Variants in FGF14 observed in about 807,000 individuals in gnomAD.
The protein encoded by FGF14 is fibroblast growth factor homologous factor 4.
Under a neutral mutation model 25.5 loss-of-function variants are expected in FGF14, and 5 were observed. The ratio of observed to expected loss-of-function variants is 0.20; its 90% confidence interval spans 0.10 to 0.41. The LOEUF is 0.41. Ranked by LOEUF, FGF14 falls within the 10% of genes least tolerant of loss-of-function variation. FGF14 has a pLI of 1.00. For missense variants in FGF14, 222 were observed against 320.1 expected, an observed-to-expected ratio of 0.69 and a Z score of 2.34; for synonymous variants, 138 against 118.3, an observed-to-expected ratio of 1.17 and a Z score of -1.08.
chr13:102,043,865 C>T (rs770002093), intron 1 of FGF14, among the ~76,000 whole-genome samples: 8 of 152,172 alleles, frequency 5.3e-5, no homozygotes, highest in Non-Finnish European at 1.0e-4. Flanking sequence ...ACTATCAGTG[C>T]GGCTACCACA....
chr13:101,775,586 G>T (rs2039057248), intron 3 of FGF14, among the ~76,000 whole-genome samples: 1 of 152,068 alleles, frequency 6.6e-6, no homozygotes, highest in Non-Finnish European at 1.5e-5. Flanking sequence ...ACATATCTTA[G>T]GAAAGAAAAG....
chr13:102,024,680 T>C (rs1227943187), intron 1 of FGF14, among the ~76,000 whole-genome samples: 1 of 151,320 alleles, frequency 6.6e-6, no homozygotes, highest in Non-Finnish European at 1.5e-5. Flanking sequence ...TAAGAAAACT[T>C]TGCCTAATTT....
intron 1 of FGF14, among the ~76,000 whole-genome samples, chr13:102,045,208 G>A (rs370895172): frequency 6.6e-6 from 1 of 151,938 alleles, no homozygotes; most frequent in Non-Finnish European, 1.5e-5. Context: ...GGTAGACTAA[G>A]TATGTCACAT....
intron 1 of FGF14, among the ~76,000 whole-genome samples, chr13:102,046,969 G>C (rs1010169809): frequency 2.3e-4 from 35 of 152,192 alleles, no homozygotes; most frequent in African/African-American, 7.9e-4. Context: ...CTATTGGGGA[G>C]GTGTCAGGTT....
intron 1 of FGF14, among the ~76,000 whole-genome samples, chr13:102,248,273 T>G (rs1035815513): frequency 3.4e-4 from 51 of 152,152 alleles, no homozygotes; most frequent in African/African-American, 1.2e-3. Flanking sequence ...TATACTTTGC[T>G]TGTAAGGCAT....
intron 1 of FGF14, among the ~76,000 whole-genome samples, chr13:102,013,649 T>G (rs2040194134): frequency 6.6e-6 from 1 of 152,236 alleles, no homozygotes; most frequent in Non-Finnish European, 1.5e-5. Context: ...CAATGAGTGA[T>G]TTCCTAGGCT....
At chr13:102,002,144 A>G (rs1204525926) in intron 1 of FGF14, 1 of 152,190 alleles carries the variant, frequency 6.6e-6, no homozygotes, top group African/African-American at 2.4e-5. Flanking sequence ...TCCCACTGCC[A>G]ATGGAGAATG....
chr13:102,045,178 A>C (rs2041926722), intron 1 of FGF14, among the ~76,000 whole-genome samples: 1 of 152,198 alleles, frequency 6.6e-6, no homozygotes, highest in African/African-American at 2.4e-5. Context: ...CTTCCCATCA[A>C]GCATCTATGT....
At chr13:102,274,283 C>A (rs1463344244) in intron 1 of FGF14, among the ~76,000 whole-genome samples, 1 of 152,166 alleles carries the variant, frequency 6.6e-6, no homozygotes, top group Non-Finnish European at 1.5e-5. Context: ...ACAGTGAATC[C>A]CACCTTGGGG....
At chr13:102,091,672 C>T (rs1158789369) in intron 1 of FGF14, among the ~76,000 whole-genome samples, 9 of 152,122 alleles carry the variant, frequency 5.9e-5, no homozygotes, top group Admixed American at 5.9e-4. Context: ...GCTTACAGGT[C>T]TGAGTTTGAG....
intron 1 of FGF14, among the ~76,000 whole-genome samples, chr13:101,936,289 A>G (rs1566462067): frequency 6.6e-6 from 1 of 152,186 alleles, no homozygotes; most frequent in Non-Finnish European, 1.5e-5. Flanking sequence ...AGAATTTCAC[A>G]GTTGATTTAT....
chr13:102,395,655 C>G (rs965979255), intron 1 of FGF14: 17 of 152,196 alleles, frequency 1.1e-4, no homozygotes, highest in African/African-American at 4.1e-4. Flanking sequence ...AGTTCACTAT[C>G]CTAGAGATAC....
chr13:102,289,237 G>A (rs2054259676), intron 1 of FGF14, among the ~76,000 whole-genome samples: 1 of 152,104 alleles, frequency 6.6e-6, no homozygotes, highest in Non-Finnish European at 1.5e-5. Flanking sequence ...GGGTCTGCTT[G>A]CCATCACTAT....
At chr13:102,264,604 A>G (rs1264261670) in intron 1 of FGF14, among the ~76,000 whole-genome samples, 1 of 151,180 alleles carries the variant, frequency 6.6e-6, no homozygotes, top group Non-Finnish European at 1.5e-5. Context: ...TTTATAAAGG[A>G]ATTATTTACG....
At chr13:101,956,281 G>C (rs1029028799) in intron 1 of FGF14, among the ~76,000 whole-genome samples, 17 of 152,144 alleles carry the variant, frequency 1.1e-4, no homozygotes, top group African/African-American at 4.1e-4. Context: ...GATACAGATA[G>C]ACGGATAACA....
intron 1 of FGF14, among the ~76,000 whole-genome samples, chr13:102,041,115 T>G (rs1044636057): frequency 6.6e-6 from 1 of 152,080 alleles, no homozygotes; most frequent in Non-Finnish European, 1.5e-5. Flanking sequence ...ATATTGTATG[T>G]TGTACCTATT....
intron 3 of FGF14, among the ~76,000 whole-genome samples, chr13:101,849,421 G>A (rs996077939): frequency 1.3e-5 from 2 of 151,982 alleles, no homozygotes; most frequent in Admixed American, 6.6e-5. Context: ...TCATAAACAT[G>A]GGCAGCCGCT....
chr13:101,937,042 C>G (rs969112879), intron 1 of FGF14, among the ~76,000 whole-genome samples: 1 of 152,106 alleles, frequency 6.6e-6, no homozygotes, highest in African/African-American at 2.4e-5. Flanking sequence ...ATGCAAACTC[C>G]CCTTGCTAAA....
intron 1 of FGF14, among the ~76,000 whole-genome samples, chr13:102,103,344 GA>G (rs11292989): frequency 0.9 from 136,503 of 152,070 alleles, 61,426 homozygotes; most frequent in East Asian, 1. Context: ...AGAATAGAAA[GA>G]AAAAAACTTA....
Sources: allele counts gnomAD v4.1 joint callset (sites outside exome capture counted in the v4.1 genomes callset), GRCh38; gene constraint gnomAD v4.1.1; transcripts MANE v1.5; gene names NCBI Gene and HGNC (gene_info 2026-07-23, HGNC 2026-07-21).